The following CHRM3 variants were observed in gnomAD, a reference collection of about 807,000 sequenced individuals.
The protein encoded by CHRM3 is muscarinic acetylcholine receptor M3.
Under a neutral mutation model 41.8 loss-of-function variants are expected in CHRM3, and 11 were observed. The ratio of observed to expected loss-of-function variants is 0.26; its 90% CI spans 0.17 to 0.44. CHRM3 has a LOEUF of 0.44. Ranked by LOEUF, CHRM3 falls within the 20% of genes least tolerant of loss-of-function variation. The pLI is 1.00. For synonymous variants in CHRM3, 297 were observed against 301.4 expected, an observed-to-expected ratio of 0.99 and a Z score of 0.15; for missense variants, 571 against 745.4, an observed-to-expected ratio of 0.77 and a Z score of 2.72.
At chr1:239,655,365 A>G (rs1225655034) in intron 4 of CHRM3, among the ~76,000 whole-genome samples, 1 of 152,238 alleles carries the variant, frequency 6.6e-6, no homozygotes, top group Non-Finnish European at 1.5e-5. Flanking sequence ...GCAAGACCCA[A>G]CAATAGAACT....
At chr1:239,719,248 G>A (rs1302528894) in intron 5 of CHRM3, 1 of 151,918 alleles carries the variant, frequency 6.6e-6, no homozygotes, top group Non-Finnish European at 1.5e-5. Flanking sequence ...GGGTTTTTGG[G>A]GACTGGTGTT....
intron 3 of CHRM3, among the ~76,000 whole-genome samples, chr1:239,560,803 T>C (rs1660784460): frequency 6.6e-6 from 1 of 152,110 alleles, no homozygotes; most frequent in Non-Finnish European, 1.5e-5. Flanking sequence ...ACAACAAGGA[T>C]GACATCTTTA....
chr1:239,911,735 T>G lies in CHRM3; in HGVS notation c.*2511T>G, dbSNP rs1299456253. ...GGTCTCCCTTTTTTGTTTTACTGGT[T>G]TTATTATAGAATTGTTTTTAAGCCT... is the stretch of plus-strand genomic sequence containing the variant. On this transcript the variant is annotated 3_prime_UTR_variant, in exon 7 of 7. Coordinates refer to ENST00000676153, the MANE Select transcript of CHRM3 (RefSeq NM_001375978.1). 2 of 167,000 alleles carry G rather than the reference T, an allele frequency of 1.2e-5. No individual in the cohort carries two copies. The highest frequency in any genetic ancestry group is 4.8e-5 in the African/African-American group (2 of 41,444). 10.3% of individuals were successfully genotyped at this position (167,000 alleles called of 1,614,324 possible).
intron 5 of CHRM3, among the ~76,000 whole-genome samples, chr1:239,758,614 T>C (rs149993982): frequency 7.3e-4 from 111 of 152,352 alleles, no homozygotes; most frequent in African/African-American, 2.3e-3. Flanking sequence ...TATTAAATGC[T>C]TGAATGCTCA....
chr1:239,510,292 T>C (rs1313119779), intron 2 of CHRM3, among the ~76,000 whole-genome samples: 1 of 152,200 alleles, frequency 6.6e-6, no homozygotes, highest in Non-Finnish European at 1.5e-5. Context: ...TGTGTGGTAG[T>C]CCAGGCCTAT....
chr1:239,756,838 C>A (rs1666282379), intron 5 of CHRM3, among the ~76,000 whole-genome samples: 1 of 144,760 alleles, frequency 6.9e-6, no homozygotes. Context: ...ATAATATTTT[C>A]ACATAATTTT....
chr1:239,640,943 C>G (rs1558409346), intron 4 of CHRM3, among the ~76,000 whole-genome samples: 1 of 150,696 alleles, frequency 6.6e-6, no homozygotes, highest in Non-Finnish European at 1.5e-5. Flanking sequence ...TTGAATGTGT[C>G]CCAGAGATTC....
At chr1:239,829,770 G>A (rs1672753364) in intron 6 of CHRM3, among the ~76,000 whole-genome samples, 1 of 152,046 alleles carries the variant, frequency 6.6e-6, no homozygotes, top group Non-Finnish European at 1.5e-5. Flanking sequence ...CACCCTCTCT[G>A]TGCTCAATTT....
intron 4 of CHRM3, among the ~76,000 whole-genome samples, chr1:239,666,819 C>T (rs1433460240): frequency 6.6e-6 from 1 of 152,116 alleles, no homozygotes; most frequent in Non-Finnish European, 1.5e-5. Flanking sequence ...CTCAACATTT[C>T]CCCCTCCTCC....
Position 239,612,499 on chromosome 1 carries a change from T to C in CHRM3, c.-312-19725T>C, listed in dbSNP as rs186455344. Among the ~76,000 whole-genome samples, 14 of 152,242 alleles carry C rather than the reference T, an allele frequency of 9.2e-5. No homozygotes were observed. In the East Asian group the frequency reaches 2.5e-3, roughly 27 times the overall value. ...TTGCATGCCCTCCTCTTCAGACAGA[T>C]AAGAAAAAAAGCAATCAAATCCACA... On this transcript the variant is annotated intron_variant, in intron 3 of 6. Transcript: ENST00000676153.
chr1:239,675,683 G>T (rs1400347493), intron 4 of CHRM3, among the ~76,000 whole-genome samples: 1 of 152,164 alleles, frequency 6.6e-6, no homozygotes, highest in Non-Finnish European at 1.5e-5. Context: ...CCTGTAACAA[G>T]CATACAGTTT....
chr1:239,610,702 C>T lies in CHRM3; in HGVS notation c.-312-21522C>T, dbSNP rs555432333. Among the ~76,000 whole-genome samples the T allele has an allele frequency of 3.1e-3, 471 of 152,268 alleles. 2 individuals carry two copies. The highest frequency in any genetic ancestry group is 0.011 in the African/African-American group (450 of 41,564). ...ACAGAGTAGAGTTCACATCAAGCCT[C>T]CTTAACTTTAGCCTCCACCCTCTGT... On this transcript the variant is annotated intron_variant, in intron 3 of 6. Transcript: ENST00000676153.
intron 6 of CHRM3, among the ~76,000 whole-genome samples, chr1:239,839,816 A>G (rs370737716): frequency 7.0e-6 from 1 of 143,064 alleles, no homozygotes; most frequent in Non-Finnish European, 1.6e-5. Context: ...GGGAGCGGGG[A>G]AGGGAGAAGT....
intron 5 of CHRM3, among the ~76,000 whole-genome samples, chr1:239,717,715 C>T (rs991947553): frequency 3.9e-5 from 6 of 151,922 alleles, no homozygotes; most frequent in Admixed American, 2.0e-4. Flanking sequence ...AAACAATGTC[C>T]GGGAAATTCA....
At position 239,579,423 on chromosome 1, in the gene CHRM3, T is replaced by C. The variant is rs139107549; in HGVS notation, c.-313+33674T>C. Among the ~76,000 whole-genome samples, 96 of 152,304 alleles carry C rather than the reference T, an allele frequency of 6.3e-4. No homozygotes were observed. The East Asian group carries it at 0.018, about 29-fold the overall frequency. ...TTTTAGAAAACTGTAACAGCATGTGTCATTTTTTCAGAATTATAGGAACTC... is the reference window on the plus strand; with the variant it reads ...TTTTAGAAAACTGTAACAGCATGTGCCATTTTTTCAGAATTATAGGAACTC... On this transcript the variant is annotated intron_variant, in intron 3 of 6. Transcript: ENST00000676153.
intron 6 of CHRM3, among the ~76,000 whole-genome samples, chr1:239,863,945 T>A (rs1322312326): frequency 6.6e-6 from 1 of 152,126 alleles, no homozygotes; most frequent in Non-Finnish European, 1.5e-5. Context: ...ATTCCAGGAA[T>A]GTAAGGATGG....
chr1:239,512,106 G>A (rs1262477480), intron 2 of CHRM3, among the ~76,000 whole-genome samples: 18 of 152,214 alleles, frequency 1.2e-4, no homozygotes, highest in African/African-American at 3.1e-4. Flanking sequence ...CTGGGTGGAC[G>A]GGCACTAGGA....
chr1:239,604,182 T>G (rs975479389), intron 3 of CHRM3, among the ~76,000 whole-genome samples: 2 of 152,196 alleles, frequency 1.3e-5, no homozygotes, highest in African/African-American at 4.8e-5. Flanking sequence ...TTTGTGTTCC[T>G]TAAGTTAAAG....
chr1:239,653,643 G>A (rs540654666), intron 4 of CHRM3, among the ~76,000 whole-genome samples: 18 of 152,264 alleles, frequency 1.2e-4, no homozygotes, highest in Admixed American at 6.5e-4. Flanking sequence ...GCATTCTGCC[G>A]TTTACCTTAT....
Sources: gnomAD v4.1 joint callset for allele counts (sites outside exome capture counted in the v4.1 genomes callset) on GRCh38, gnomAD v4.1.1 for gene constraint, MANE v1.5 for transcripts, NCBI Gene and HGNC (gene_info 2026-07-23, HGNC 2026-07-21) for gene names.